Variants in RBFOX1 observed in about 807,000 individuals in gnomAD.
RBFOX1 encodes the protein RNA binding protein fox-1 homolog 1.
In RBFOX1, 8 loss-of-function variants were observed where a neutral mutation model predicts 57.7. That is an observed-to-expected ratio of 0.14 (90% CI 0.08 to 0.25). The LOEUF is 0.25. RBFOX1 is among the 10% of genes least tolerant of loss of function. RBFOX1 has a pLI of 1.00. For synonymous variants in RBFOX1, 326 were observed against 222.4 expected, an observed-to-expected ratio of 1.47 and a Z score of -4.15; for missense variants, 611 against 548.5, an observed-to-expected ratio of 1.11 and a Z score of -1.14.
intron 3 of RBFOX1, chr16:6,775,600 T>C (rs773264067): frequency 2.0e-5 from 3 of 152,170 alleles, no homozygotes; most frequent in Non-Finnish European, 2.9e-5. Flanking sequence ...CTGACAGTTA[T>C]CTCTCTAATC....
chr16:6,385,987 G>C (rs1176110921), intron 2 of RBFOX1, among the ~76,000 whole-genome samples: 3 of 150,282 alleles, frequency 2.0e-5, no homozygotes, highest in African/African-American at 4.9e-5. Context: ...CCAGGCTGGA[G>C]TGCAGTGGCG....
In RBFOX1 at chr16:7,536,184, C is replaced by T. The variant is rs909611079; in HGVS notation, c.270+17795C>T. Among the ~76,000 whole-genome samples, 10 of 152,310 alleles carry T rather than the reference C, an allele frequency of 6.6e-5. No individual in the cohort carries two copies. The South Asian group carries it at 8.3e-4, about 13-fold the overall frequency. Reference sequence around the variant, plus strand: ...TGGAAAGGAGAGCTGACTGTAATTACATTTGCAAAAACTTCTGTGAAGGAA... The same window carrying T: ...TGGAAAGGAGAGCTGACTGTAATTATATTTGCAAAAACTTCTGTGAAGGAA... On this transcript the variant is annotated intron_variant, in intron 5 of 15. Transcript: ENST00000550418.
At chr16:6,391,179 A>G (rs2092582833) in intron 2 of RBFOX1, among the ~76,000 whole-genome samples, 1 of 152,116 alleles carries the variant, frequency 6.6e-6, no homozygotes, top group South Asian at 2.1e-4. Context: ...TTATTCTAGG[A>G]TCCATGGAAA....
At chr16:7,011,553 G>A (rs768890522) in intron 3 of RBFOX1, among the ~76,000 whole-genome samples, 28 of 152,056 alleles carry the variant, frequency 1.8e-4, no homozygotes, top group African/African-American at 5.1e-4. Flanking sequence ...TTGCTTTGTC[G>A]CACAGGCTGG....
At chr16:5,440,334 CTAGAAAGAATTTCTT>C (rs1392631970) in intron 1 of RBFOX1, among the ~76,000 whole-genome samples, 1 of 152,074 alleles carries the variant, frequency 6.6e-6, no homozygotes, top group Non-Finnish European at 1.5e-5. Context: ...TCAACTTTGA[CTAGAAAGAATTTCTT>C]TAGAAAGAAT....
At chr16:5,424,897 TTC>T (rs1363098031) in intron 1 of RBFOX1, among the ~76,000 whole-genome samples, 1 of 103,200 alleles carries the variant, frequency 9.7e-6, no homozygotes, top group Non-Finnish European at 2.0e-5. Flanking sequence ...CTTTCTTTCT[TTC>T]TTTCTTTCTT....
At chr16:6,191,813 G>A (rs1482211804) in intron 1 of RBFOX1, among the ~76,000 whole-genome samples, 1 of 152,150 alleles carries the variant, frequency 6.6e-6, no homozygotes, top group Non-Finnish European at 1.5e-5. Context: ...TGGAATGCAG[G>A]TATCGAGACT....
intron 3 of RBFOX1, among the ~76,000 whole-genome samples, chr16:5,857,395 G>A (rs2057099580): frequency 6.6e-6 from 1 of 152,108 alleles, no homozygotes; most frequent in South Asian, 2.1e-4. Context: ...ACAGAGACAT[G>A]AGGTATACAC....
At chr16:6,059,909 A>C (rs376872458) in intron 1 of RBFOX1, among the ~76,000 whole-genome samples, 118 of 152,276 alleles carry the variant, frequency 7.7e-4, no homozygotes, top group African/African-American at 2.6e-3. Flanking sequence ...ATCATTTGTT[A>C]TGCAGCAAGT....
At chr16:6,916,465 C>A (rs919583499) in intron 3 of RBFOX1, among the ~76,000 whole-genome samples, 1 of 151,614 alleles carries the variant, frequency 6.6e-6, no homozygotes, top group East Asian at 1.9e-4. Context: ...CTTTGGTTAA[C>A]GAAATAAATA....
intron 4 of RBFOX1, among the ~76,000 whole-genome samples, chr16:7,072,366 G>T (rs1023189319): frequency 2.0e-5 from 3 of 152,092 alleles, no homozygotes; most frequent in Non-Finnish European, 4.4e-5. Context: ...TCCCTCGTTT[G>T]TTTTGTGGTT....
intron 4 of RBFOX1, among the ~76,000 whole-genome samples, chr16:6,000,528 A>G (rs966207808): frequency 5.9e-5 from 9 of 152,194 alleles, no homozygotes; most frequent in African/African-American, 2.2e-4. Context: ...TACGCAAAAT[A>G]AGGGCGAAAA....
chr16:5,779,760 C>T (rs1275019809), intron 3 of RBFOX1, among the ~76,000 whole-genome samples: 1 of 152,148 alleles, frequency 6.6e-6, no homozygotes, highest in Non-Finnish European at 1.5e-5. Context: ...GCAGAATACC[C>T]TGATAATGAG....
chr16:6,105,444 G>T (rs1247811418), intron 1 of RBFOX1, among the ~76,000 whole-genome samples: 4 of 151,902 alleles, frequency 2.6e-5, no homozygotes, highest in African/African-American at 7.3e-5. Context: ...CACATTTTTG[G>T]AATTGAAGAT....
chr16:7,231,654 A>T (rs976070416), intron 4 of RBFOX1, among the ~76,000 whole-genome samples: 3 of 152,356 alleles, frequency 2.0e-5, no homozygotes, highest in Admixed American at 2.0e-4. Flanking sequence ...CTATCAATAA[A>T]TTTATCAATA....
At chr16:6,573,869 T>C (rs2097381973) in intron 2 of RBFOX1, 1 of 152,198 alleles carries the variant, frequency 6.6e-6, no homozygotes, top group South Asian at 2.1e-4. Context: ...AGCTGTCCTG[T>C]TTTCCAGCCT....
intron 4 of RBFOX1, among the ~76,000 whole-genome samples, chr16:7,388,239 G>A (rs2097917703): frequency 6.6e-6 from 1 of 152,136 alleles, no homozygotes; most frequent in Non-Finnish European, 1.5e-5. Context: ...TGGTGTGATG[G>A]ATGCAGCACT....
chr16:7,710,124 T>A, intron 15 of RBFOX1: 1 of 1,020,108 alleles, frequency 9.8e-7, no homozygotes, highest in Non-Finnish European at 1.2e-6. Context: ...AATTCATCTG[T>A]ACAACTCCAC....
chr16:6,129,799 T>C (rs1427593344), intron 1 of RBFOX1, among the ~76,000 whole-genome samples: 1 of 133,818 alleles, frequency 7.5e-6, no homozygotes, highest in Admixed American at 7.3e-5. Flanking sequence ...AAAGGAAATA[T>C]AAAATGCAGG....
Sources: gnomAD v4.1 joint callset for allele counts (sites outside exome capture counted in the v4.1 genomes callset) on GRCh38, gnomAD v4.1.1 for gene constraint, MANE v1.5 for transcripts, NCBI Gene and HGNC (gene_info 2026-07-23, HGNC 2026-07-21) for gene names.